MAGI1: variants seen among roughly 807,000 people sequenced by gnomAD.
MAGI1 encodes the protein membrane associated guanylate kinase, WW and PDZ domain containing 1, also known as membrane-associated guanylate kinase, WW and PDZ domain-containing protein 1.
MAGI1 carries 58 observed loss-of-function variants against 139.9 expected under a neutral mutation model. The observed-to-expected ratio is 0.41, with a 90% CI of 0.34 to 0.52. The LOEUF (loss-of-function observed/expected upper bound fraction) is 0.52, where lower values mean the gene tolerates loss of function less well. MAGI1 is among the 20% of genes least tolerant of loss of function. The pLI is 0.12. For missense variants in MAGI1, 1,874 were observed against 1,901.6 expected (o/e 0.99, Z 0.27); for synonymous variants, 812 against 737.9 (o/e 1.10, Z -1.63).
intron 1 of MAGI1, among the ~76,000 whole-genome samples, chr3:65,816,120 A>C (rs2041585492): frequency 6.6e-6 from 1 of 152,106 alleles, no homozygotes; most frequent in Non-Finnish European, 1.5e-5. Context: ...CCCCCTCCCA[A>C]TTCTGATTCT....
intron 12 of MAGI1, among the ~76,000 whole-genome samples, chr3:65,423,170 C>G (rs545893402): frequency 6.6e-6 from 1 of 152,276 alleles, no homozygotes; most frequent in Admixed American, 6.5e-5. Flanking sequence ...AACCTGAATT[C>G]CCCTTTCTGG....
chr3:65,591,979 T>A (rs527351119), intron 2 of MAGI1, among the ~76,000 whole-genome samples: 1 of 152,220 alleles, frequency 6.6e-6, no homozygotes, highest in Non-Finnish European at 1.5e-5. Context: ...TTCCCTCGTA[T>A]AATGTCCCAC....
At chr3:65,788,658 G>C (rs76993451) in intron 1 of MAGI1, among the ~76,000 whole-genome samples, 1 of 152,168 alleles carries the variant, frequency 6.6e-6, no homozygotes, top group Non-Finnish European at 1.5e-5. Context: ...CTTCCAGTTT[G>C]CATTCTGTTT....
At chr3:66,007,056 G>C (rs2067059460) in intron 1 of MAGI1, among the ~76,000 whole-genome samples, 2 of 151,866 alleles carry the variant, frequency 1.3e-5, no homozygotes. Context: ...GCCTAGGCTG[G>C]TCTCAAACTC....
intron 1 of MAGI1, among the ~76,000 whole-genome samples, chr3:65,883,143 C>T (rs560398907): frequency 1.3e-5 from 2 of 152,194 alleles, no homozygotes; most frequent in East Asian, 3.9e-4. Context: ...CGTCACAGGT[C>T]TGGCAATACC....
intron 1 of MAGI1, among the ~76,000 whole-genome samples, chr3:65,793,907 G>C (rs1053580150): frequency 5.3e-5 from 8 of 152,226 alleles, no homozygotes; most frequent in Non-Finnish European, 1.0e-4. Flanking sequence ...TACAGATGCT[G>C]CGTAAAGTTT....
chr3:65,896,018 C>A (rs150194216), intron 1 of MAGI1, among the ~76,000 whole-genome samples: 1 of 152,254 alleles, frequency 6.6e-6, no homozygotes, highest in East Asian at 1.9e-4. Context: ...ACCATTGCAT[C>A]TCTGTAAACC....
At chr3:65,963,348 T>A (rs1383933122) in intron 1 of MAGI1, among the ~76,000 whole-genome samples, 1 of 141,054 alleles carries the variant, frequency 7.1e-6, no homozygotes, top group Non-Finnish European at 1.5e-5. Context: ...CCAGGTGTGG[T>A]GGCTCACGCC....
At chr3:65,548,700 T>A (rs888394773) in intron 2 of MAGI1, among the ~76,000 whole-genome samples, 1 of 151,640 alleles carries the variant, frequency 6.6e-6, no homozygotes. Context: ...TTTTCGTATT[T>A]TGAATAGAGA....
intron 1 of MAGI1, among the ~76,000 whole-genome samples, chr3:65,962,830 GAA>G (rs777177760): frequency 6.3e-4 from 37 of 59,200 alleles, no homozygotes; most frequent in African/African-American, 1.5e-3. Context: ...GTCTCGGGGG[GAA>G]AAAAAAAAAA....
intron 1 of MAGI1, among the ~76,000 whole-genome samples, chr3:65,676,119 A>C (rs1380871832): frequency 6.6e-6 from 1 of 152,248 alleles, no homozygotes; most frequent in Non-Finnish European, 1.5e-5. Context: ...ATTATGTTTA[A>C]CAGTAAATTT....
chr3:65,499,221 A>T (rs1380103354), intron 2 of MAGI1, among the ~76,000 whole-genome samples: 5 of 152,218 alleles, frequency 3.3e-5, no homozygotes, highest in African/African-American at 7.2e-5. Context: ...CAAACAAAAC[A>T]AAAAAGACCA....
At chr3:65,977,858 G>T (rs1159752287) in intron 1 of MAGI1, among the ~76,000 whole-genome samples, 1 of 152,092 alleles carries the variant, frequency 6.6e-6, no homozygotes, top group Non-Finnish European at 1.5e-5. Flanking sequence ...TGCCGCCTCG[G>T]TGAATTGTTG....
intron 18 of MAGI1, among the ~76,000 whole-genome samples, chr3:65,373,905 C>A (rs1942243002): frequency 6.6e-6 from 1 of 152,166 alleles, no homozygotes; most frequent in African/African-American, 2.4e-5. Flanking sequence ...TTCTTGGAAT[C>A]AACAATTTTA....
Position 65,429,551 on chromosome 3 carries a change from T to C in MAGI1, c.2136A>G (p.Gly712=). The change falls in exon 12 of 23, where the codon GGA becomes GGG. Residue 712 remains glycine, a synonymous_variant. Coordinates refer to ENST00000402939, the MANE Select transcript of MAGI1 (RefSeq NM_001033057.2). The part of the protein sequence containing the change: ...VVDMLVECPK[G]SEVTLLVQRG... ...GTTGCACCAACAATGTGACCTCACT[T>C]CCCTTAGGACACTCAACCAGCATAT... is the stretch of plus-strand genomic sequence containing the variant. 6.2e-7 allele frequency: 1 copy of C among 1,612,930 alleles called. No homozygotes were observed. Among genetic ancestry groups the C allele is most frequent in the Non-Finnish European group, 8.5e-7 (1 of 1,179,124 alleles).
At chr3:65,465,340 T>G (rs558228786) in intron 5 of MAGI1, among the ~76,000 whole-genome samples, 9 of 142,388 alleles carry the variant, frequency 6.3e-5, no homozygotes, top group East Asian at 4.0e-4. Context: ...TTGTTGGTTG[T>G]TTTTTTTTTT....
intron 2 of MAGI1, among the ~76,000 whole-genome samples, chr3:65,599,894 A>G (rs557880857): frequency 2.0e-5 from 3 of 152,300 alleles, no homozygotes; most frequent in African/African-American, 4.8e-5. Flanking sequence ...TTCTTGATTC[A>G]CATCTACTTG....
At chr3:65,445,849 A>AGCTATATTATGCT (rs1948643232) in intron 7 of MAGI1, among the ~76,000 whole-genome samples, 1 of 152,226 alleles carries the variant, frequency 6.6e-6, no homozygotes, top group African/African-American at 2.4e-5. Flanking sequence ...GCCGATTACA[A>AGCTATATTATGCT]AGAGGGTTTC....
At chr3:65,508,772 T>G (rs1358643359) in intron 2 of MAGI1, among the ~76,000 whole-genome samples, 1 of 152,120 alleles carries the variant, frequency 6.6e-6, no homozygotes, top group East Asian at 1.9e-4. Context: ...AAGAAAAAAC[T>G]GGGGAGTTTT....
Sources: gnomAD v4.1 joint callset for allele counts (sites outside exome capture counted in the v4.1 genomes callset) on GRCh38, gnomAD v4.1.1 for gene constraint, MANE v1.5 for transcripts, NCBI Gene and HGNC (gene_info 2026-07-23, HGNC 2026-07-21) for gene names.